The following LETM2 variants were observed in gnomAD, a reference collection of about 807,000 sequenced individuals.
LETM2 encodes leucine zipper and EF-hand containing transmembrane protein 2, also known as LETM1 domain-containing protein LETM2, mitochondrial.
Under a neutral mutation model 59.6 loss-of-function variants are expected in LETM2, and 58 were observed. The ratio of observed to expected loss-of-function variants is 0.97; its 90% CI spans 0.79 to 1.21. The LOEUF is 1.21. Among genes scored for constraint, LETM2 ranks in the 50% most tolerant of loss-of-function variants. The probability of loss-of-function intolerance (pLI) is 0.00; values close to 1 mark genes in which losing one functional copy is unlikely to be tolerated. For missense variants in LETM2, 572 were observed against 575.7 expected, an observed-to-expected ratio of 0.99 and a Z score of 0.07; for synonymous variants, 199 against 214.1, an observed-to-expected ratio of 0.93 and a Z score of 0.62.
chr8:38,383,487 G>A (rs1292053341), upstream of LETM2: 1 of 152,202 alleles, frequency 6.6e-6, no homozygotes, highest in Non-Finnish European at 1.5e-5. Context: ...AGTGCTGGAT[G>A]TCTTTGGTAC....
chr8:38,393,211 TA>T (rs932344048), intron 3 of LETM2: 4 of 498,200 alleles, frequency 8.0e-6, no homozygotes, highest in Non-Finnish European at 1.1e-5. Context: ...TAACGGTTTT[TA>T]AAAAAAACTT....
Position 38,408,420 on chromosome 8 carries a change from C to T in LETM2, c.*146C>T. The T allele has an allele frequency of 1.5e-6, 1 of 650,366 alleles. No homozygotes were observed. Among genetic ancestry groups the T allele is most frequent in the Non-Finnish European group, 2.7e-6 (1 of 372,392 alleles). 40.3% of individuals were successfully genotyped at this position (650,366 alleles called of 1,614,324 possible). A position where few individuals can be genotyped will look rare whatever the true frequency, so the allele number is the denominator to read the frequency against. Reference sequence around the variant, plus strand: ...GGGGCAGTCCTTTGAGGCCTGGTAACCATTCCAGGTGATGTGGGTAGTGAG... The same window carrying T: ...GGGGCAGTCCTTTGAGGCCTGGTAATCATTCCAGGTGATGTGGGTAGTGAG... On this transcript the variant is annotated 3_prime_UTR_variant, in exon 11 of 11. Transcript: ENST00000379957.
At chr8:38,404,861 T>C (rs1027112799) in intron 8 of LETM2, 16 of 196,744 alleles carry the variant, frequency 8.1e-5, no homozygotes, top group Non-Finnish European at 1.5e-4. Context: ...GCGCCTGTAA[T>C]CCCAGCTACT....
chr8:38,397,676 C>T (rs558766075), intron 4 of LETM2, among the ~76,000 whole-genome samples: 2 of 152,050 alleles, frequency 1.3e-5, no homozygotes, highest in South Asian at 2.1e-4. Context: ...GGAAAGGGAA[C>T]GTTTGAAGCA....
At chr8:38,399,163 G>A (rs1019997883) in intron 4 of LETM2, among the ~76,000 whole-genome samples, 8 of 151,758 alleles carry the variant, frequency 5.3e-5, no homozygotes, top group African/African-American at 1.2e-4. Context: ...GTAGATTCCT[G>A]TTCTTCTTTA....
At chr8:38,390,882 C>T (rs1289339497) in intron 2 of LETM2, among the ~76,000 whole-genome samples, 1 of 151,302 alleles carries the variant, frequency 6.6e-6, no homozygotes, top group Non-Finnish European at 1.5e-5. Flanking sequence ...GGGGTTTCAC[C>T]ATGTTGGCCA....
In LETM2 at chr8:38,392,848, C is replaced by T. The variant is rs1250973177; in HGVS notation, c.354C>T (p.Gly118=). The change falls in exon 3 of 11, where the codon GGC becomes GGT. Residue 118 remains glycine, a synonymous_variant. Coordinates refer to ENST00000379957, the MANE Select transcript of LETM2 (RefSeq NM_001286819.2). ...AAACTGGCATGGAGATTAAAGAAGGCAAACAATCTTATAGACAAAAAATCA... is the reference window on the plus strand; with the variant it reads ...AAACTGGCATGGAGATTAAAGAAGGTAAACAATCTTATAGACAAAAAATCA... ...TKETGMEIKE[G]KQSYRQKIMD... is the part of the protein sequence containing the mutation. 10 of 1,614,090 alleles carry T rather than the reference C, an allele frequency of 6.2e-6. No homozygotes were observed. The East Asian group carries it at 2.0e-4, about 32-fold the overall frequency.
In LETM2 at chr8:38,398,160, C is replaced by T. The variant is rs935784594; in HGVS notation, c.646-2112C>T. The stretch of plus-strand genomic sequence containing the variant: ...TGTCTTAAAAAAAAAAAAAAAGAGA[C>T]TTGAAGACAAATTCGGGATACCTTC... On this transcript the variant is annotated intron_variant, in intron 4 of 10. Transcript: ENST00000379957. Among the ~76,000 whole-genome samples the T allele has an allele frequency of 2.0e-5, 3 of 149,026 alleles. No individual in the cohort carries two copies. In the East Asian group the frequency reaches 5.9e-4, roughly 29 times the overall value.
upstream of LETM2, chr8:38,382,858 C>G (rs774277173): frequency 2.6e-5 from 4 of 152,276 alleles, no homozygotes; most frequent in Non-Finnish European, 5.9e-5. The surrounding 1 kb of genome is among the most constrained non-coding windows in gnomAD (Gnocchi z 4.2). Flanking sequence ...TCGTCTCCCT[C>G]TCAGCCCCGG....
At chr8:38,392,425 A>T in intron 2 of LETM2, 117 bp from the exon 3 acceptor site, 1 of 734,338 alleles carries the variant, frequency 1.4e-6, no homozygotes, top group Non-Finnish European at 2.2e-6. Context: ...AAAAAAAAAA[A>T]AGCTGTTTTA....
chr8:38,407,486 AAAG>A, intron 10 of LETM2, 23 bp downstream of exon 10: 1 of 1,454,984 alleles, frequency 6.9e-7, no homozygotes, highest in Non-Finnish European at 9.6e-7. Context: ...AATAAATGAA[AAAG>A]AAAGAGAAGA....
In LETM2 at chr8:38,408,168, C is replaced by T. The variant is rs764090904; in HGVS notation, c.1414-44C>T. The T allele has an allele frequency of 3.3e-6, 5 of 1,506,160 alleles. No homozygotes were observed. In the South Asian group the frequency reaches 3.5e-5, roughly 11 times the overall value. 93.3% of individuals were successfully genotyped at this position (1,506,160 alleles called of 1,614,324 possible). On this transcript the variant is annotated intron_variant, in intron 10 of 10. Transcript: ENST00000379957. ...ATAGCATTCACTCCTTAAGAACTTA[C>T]ACGTCTGTGACTAATGCCTACAGTC...
At chr8:38,391,300 GTTT>G (rs761566202) in intron 2 of LETM2, among the ~76,000 whole-genome samples, 1 of 109,164 alleles carries the variant, frequency 9.2e-6, no homozygotes, top group Admixed American at 9.4e-5. Context: ...TTTTATTTTA[GTTT>G]TTTTTTTTTT....
Position 38,402,544 on chromosome 8 carries a change from T to C in LETM2, c.1004T>C (p.Val335Ala). ...ADDEIIAKEG[V>A]TALSVSELQA... ...TTTCAGATAATTGCCAAGGAAGGGG[T>C]GACAGCATTGAGTGTATCAGAACTA... Residue 335 changes from valine (V) to alanine (A), a missense_variant, in exon 7 of 11, where the codon GTG (valine) becomes GCG (alanine). Val to Ala is a moderately conservative substitution (Grantham distance 64, BLOSUM62 0). Transcript: ENST00000379957. The C allele has an allele frequency of 5.6e-6, 9 of 1,613,932 alleles. No homozygotes were observed. The highest frequency in any genetic ancestry group is 7.6e-6 in the Non-Finnish European group (9 of 1,179,842).
chr8:38,398,681 G>GA (rs2150432602), intron 4 of LETM2, among the ~76,000 whole-genome samples: 1 of 151,266 alleles, frequency 6.6e-6, no homozygotes, highest in Non-Finnish European at 1.5e-5. Context: ...TAGATGGATG[G>GA]AAGGATATGG....
chr8:38,408,564 T>G lies in LETM2; in HGVS notation c.*290T>G. 1 of 283,430 alleles carries G rather than the reference T, an allele frequency of 3.5e-6. No homozygotes were observed. The highest frequency in any genetic ancestry group is 6.8e-6 in the Non-Finnish European group (1 of 147,584). The allele number at this position is 283,430 out of a possible 1,614,324, so 17.6% of individuals were successfully genotyped here. A position where few individuals can be genotyped will look rare whatever the true frequency, so the allele number is the denominator to read the frequency against. ...CCATCATGTTGTTTTTTTAGTTTCATGTGTACGTCCCTTCAGAGAGGAAAT... is the reference window on the plus strand; with the variant it reads ...CCATCATGTTGTTTTTTTAGTTTCAGGTGTACGTCCCTTCAGAGAGGAAAT... On this transcript the variant is annotated 3_prime_UTR_variant, in exon 11 of 11. Coordinates refer to ENST00000379957, the MANE Select transcript of LETM2 (RefSeq NM_001286819.2).
Position 38,400,335 on chromosome 8 carries a change from A to G in LETM2, c.709A>G (p.Met237Val), listed in dbSNP as rs1274901213. The G allele has an allele frequency of 1.2e-6, 2 of 1,613,568 alleles. No individual in the cohort carries two copies. The highest frequency in any genetic ancestry group is 1.1e-5 in the South Asian group (1 of 90,894). The change falls in exon 5 of 11, where the codon ATG becomes GTG. Residue 237 changes from methionine (M) to valine (V), a missense_variant. Met to Val is a conservative substitution (Grantham distance 21). Transcript: ENST00000379957. Reference protein sequence around the residue: ...LELAKFLQETMTEMARRNRAK... With the variant: ...LELAKFLQETVTEMARRNRAK... ...ACTAGCAAAATTTCTTCAAGAAACCATGACAGAAATGGCAAGGAGGAACAG... is the reference window on the plus strand; with the variant it reads ...ACTAGCAAAATTTCTTCAAGAAACCGTGACAGAAATGGCAAGGAGGAACAG...
intron 9 of LETM2, 146 bp from the exon 10 acceptor site, chr8:38,407,216 A>T: frequency 1.3e-6 from 1 of 756,480 alleles, no homozygotes; most frequent in Non-Finnish European, 2.2e-6. Context: ...GGCTACACGT[A>T]ATTAGGTTCC....
intron 2 of LETM2, among the ~76,000 whole-genome samples, chr8:38,391,300 G>GTTTTTTTTTTTTTTTTTTTTTTTTTTTAT (rs761566202): frequency 2.7e-5 from 3 of 109,164 alleles, no homozygotes; most frequent in Non-Finnish European, 5.7e-5. Flanking sequence ...TTTTATTTTA[G>GTTTTTTTTTTTTTTTTTTTTTTTTTTTAT]TTTTTTTTTT....
Sources: gnomAD v4.1 joint callset for allele counts (sites outside exome capture counted in the v4.1 genomes callset) on GRCh38, gnomAD v4.1.1 for gene constraint, Gnocchi (gnomAD v3.1) non-coding constraint, MANE v1.5 for transcripts, NCBI Gene and HGNC (gene_info 2026-07-23, HGNC 2026-07-21) for gene names.